CAPS2: variants seen among roughly 807,000 people sequenced by gnomAD.
The protein encoded by CAPS2 is calcyphosine 2.
A neutral mutation model predicts 86.5 loss-of-function variants in CAPS2; 98 were observed. The observed-to-expected ratio is 1.13, with a 90% CI of 0.96 to 1.34. CAPS2 has a LOEUF of 1.34. Among genes scored for constraint, CAPS2 ranks in the 40% most tolerant of loss-of-function variants. The pLI is 0.00. For missense variants in CAPS2, 729 were observed against 686.8 expected (o/e 1.06, Z -0.69); for synonymous variants, 210 against 225.1 (o/e 0.93, Z 0.60).
intron 5 of CAPS2, among the ~76,000 whole-genome samples, chr12:75,316,853 TA>T (rs1392651417): frequency 1.3e-5 from 2 of 152,090 alleles, no homozygotes; most frequent in Admixed American, 6.6e-5. Flanking sequence ...AATTCAGAAA[TA>T]AAATACTAAA....
rs767092008 is a variant in CAPS2 at position 75,304,938 on chromosome 12, A to G, written c.660-62T>C. On this transcript the variant is annotated intron_variant, in intron 7 of 16. Transcript: ENST00000393284. ...GATCATGCATTACTTTAAAATTCAC[A>G]TATTTATAAGCAGTTCTAAAAGCTC... The G allele has an allele frequency of 3.3e-6, 5 of 1,537,656 alleles. No homozygotes were observed. In the Admixed American group the frequency reaches 8.7e-5, roughly 27 times the overall value.
intron 1 of CAPS2, among the ~76,000 whole-genome samples, chr12:75,339,738 T>TTAATCCA (rs1248100174): frequency 1.3e-5 from 2 of 152,328 alleles, no homozygotes; most frequent in East Asian, 3.9e-4. Flanking sequence ...ATTTAAGTCT[T>TTAATCCA]TAATCCATCT....
intron 11 of CAPS2, among the ~76,000 whole-genome samples, chr12:75,295,559 C>A (rs938547839): frequency 1.3e-5 from 2 of 152,188 alleles, no homozygotes; most frequent in African/African-American, 4.8e-5. Flanking sequence ...GGCCCTTGTA[C>A]AAGTTGCAGC....
intron 1 of CAPS2, among the ~76,000 whole-genome samples, chr12:75,358,411 C>A (rs1237609471): frequency 2.6e-5 from 4 of 151,640 alleles, no homozygotes. Context: ...GAATGCAGGT[C>A]TCATTTTACA....
At chr12:75,318,515 C>T (rs2039996042) in intron 5 of CAPS2, among the ~76,000 whole-genome samples, 1 of 152,096 alleles carries the variant, frequency 6.6e-6, no homozygotes, top group Non-Finnish European at 1.5e-5. Flanking sequence ...CCTTGCTCTC[C>T]CTCCTTTGAC....
At chr12:75,327,324 A>C (rs2040875615), upstream of CAPS2, among the ~76,000 whole-genome samples, 1 of 152,214 alleles carries the variant, frequency 6.6e-6, no homozygotes, top group African/African-American at 2.4e-5. Flanking sequence ...TCTAGAACAA[A>C]GAATAAAATG....
intron 1 of CAPS2, among the ~76,000 whole-genome samples, chr12:75,384,794 T>G (rs1316106772): frequency 6.6e-6 from 1 of 152,200 alleles, no homozygotes. Context: ...CGTATAAAAA[T>G]AATTATATTA....
At chr12:75,343,718 T>G in intron 1 of CAPS2, 1 of 1,611,268 alleles carries the variant, frequency 6.2e-7, no homozygotes, top group Non-Finnish European at 8.5e-7. Flanking sequence ...TTAGCAAAGA[T>G]GGCTAAAGCA....
Position 75,304,765 on chromosome 12 carries a change from A to G in CAPS2, c.771T>C (p.His257=), listed in dbSNP as rs776550072. 73 of 1,588,774 alleles carry G rather than the reference A, an allele frequency of 4.6e-5. No individual in the cohort carries two copies. The Admixed American group carries it at 1.2e-3, about 27-fold the overall frequency. The change falls in exon 8 of 17, where the codon CAT becomes CAC. Residue 257 remains histidine, a synonymous_variant. Transcript: ENST00000393284. The stretch of plus-strand genomic sequence containing the variant: ...AATTAAAATCTTCTTACTTTGTTTC[A>G]TGTAGTGTTCTTTTTCTAAATCGAA...
chr12:75,282,437 AGTGCAATGGC>A, intron 15 of CAPS2, 90 bp from the exon 16 acceptor site: 1 of 826,066 alleles, frequency 1.2e-6, no homozygotes, highest in Non-Finnish European at 2.1e-6. Context: ...CCCAGACTGG[AGTGCAATGGC>A]GTGATCTCAG....
intron 1 of CAPS2, among the ~76,000 whole-genome samples, chr12:75,340,990 A>G (rs2042063878): frequency 6.6e-6 from 1 of 152,030 alleles, no homozygotes; most frequent in African/African-American, 2.4e-5. Flanking sequence ...GGAATGCAAA[A>G]TGGTATAGCC....
intron 1 of CAPS2, among the ~76,000 whole-genome samples, chr12:75,355,420 G>A (rs1030353996): frequency 6.6e-6 from 1 of 152,176 alleles, no homozygotes; most frequent in Non-Finnish European, 1.5e-5. Flanking sequence ...ATCGCAGTTA[G>A]ATACCATCTC....
chr12:75,305,493 G>A (rs1437616291), intron 7 of CAPS2: 3 of 591,014 alleles, frequency 5.1e-6, no homozygotes, highest in Non-Finnish European at 9.7e-6. Flanking sequence ...TTGCAGCCGA[G>A]GCCTCCAGCT....
intron 1 of CAPS2, chr12:75,347,576 T>C: frequency 1.6e-6 from 2 of 1,214,108 alleles, no homozygotes. Context: ...ATTGTTTGCA[T>C]AGAATTGTTT....
At chr12:75,358,825 T>C (rs945954979) in intron 1 of CAPS2, among the ~76,000 whole-genome samples, 2 of 143,902 alleles carry the variant, frequency 1.4e-5, no homozygotes, top group African/African-American at 5.1e-5. Flanking sequence ...TAAATATATA[T>C]AATATATAAC....
At chr12:75,316,905 C>T (rs894992514) in intron 5 of CAPS2, among the ~76,000 whole-genome samples, 4 of 152,078 alleles carry the variant, frequency 2.6e-5, no homozygotes, top group Non-Finnish European at 4.4e-5. Flanking sequence ...CTTTGGGATG[C>T]TAAAGAGATA....
Position 75,354,421 on chromosome 12 carries a change from A to AC in CAPS2, c.-394-31200_-394-31199insG, listed in dbSNP as rs368364150. Among the ~76,000 whole-genome samples, 171 of 151,644 alleles carry AC rather than the reference A, an allele frequency of 1.1e-3. 1 individual carries two copies. Among genetic ancestry groups the AC allele is most frequent in the African/African-American group, 3.7e-3 (151 of 41,334 alleles). On this transcript the variant is annotated intron_variant, in intron 1 of 5. Transcript: ENST00000551829. ...AATAAGATACCTAGGAATACAGCTAAAAAAAAAGTGAAGGACTTCTTCAAG... is the reference window on the plus strand; with the variant it reads ...AATAAGATACCTAGGAATACAGCTAACAAAAAAAGTGAAGGACTTCTTCAAG...
At chr12:75,344,117 C>G (rs2042296161) in intron 1 of CAPS2, among the ~76,000 whole-genome samples, 1 of 152,010 alleles carries the variant, frequency 6.6e-6, no homozygotes, top group Non-Finnish European at 1.5e-5. Context: ...GTTTCTTGTG[C>G]TGCAGTTCAC....
intron 4 of CAPS2, among the ~76,000 whole-genome samples, chr12:75,322,484 G>C (rs2040396812): frequency 6.6e-6 from 1 of 152,170 alleles, no homozygotes; most frequent in Admixed American, 6.5e-5. Context: ...CTAAGAACAT[G>C]AATAGAGTCA....
Sources: allele counts gnomAD v4.1 joint callset (sites outside exome capture counted in the v4.1 genomes callset), GRCh38; gene constraint gnomAD v4.1.1; transcripts MANE v1.5; gene names NCBI Gene and HGNC (gene_info 2026-07-23, HGNC 2026-07-21).